The following ELOVL6 variants were observed in gnomAD, a reference collection of about 807,000 sequenced individuals.
The protein encoded by ELOVL6 is ELOVL fatty acid elongase 6.
Under a neutral mutation model 31.7 loss-of-function variants are expected in ELOVL6, and 8 were observed. The observed-to-expected ratio is 0.25, with a 90% CI of 0.15 to 0.45. ELOVL6 has a LOEUF of 0.45. ELOVL6 is among the 20% of genes least tolerant of loss of function. ELOVL6 has a pLI of 1.00. For missense variants in ELOVL6, 126 were observed against 326.4 expected (o/e 0.39, Z 4.73); for synonymous variants, 101 against 117.7 (o/e 0.86, Z 0.92).
chr4:110,127,486 T>C (rs899229573), intron 1 of ELOVL6, among the ~76,000 whole-genome samples: 1 of 150,938 alleles, frequency 6.6e-6, no homozygotes, highest in African/African-American at 2.4e-5. Flanking sequence ...TGGGAGAGCC[T>C]AAGAAAAACA....
intron 1 of ELOVL6, among the ~76,000 whole-genome samples, chr4:110,111,296 TAA>T (rs1757027379): frequency 6.6e-6 from 1 of 151,718 alleles, no homozygotes; most frequent in South Asian, 2.1e-4. Context: ...ACTGCACATC[TAA>T]AAAGACTCTT....
intron 2 of ELOVL6, among the ~76,000 whole-genome samples, chr4:110,094,248 CAA>C (rs34049395): frequency 6.1e-5 from 7 of 114,618 alleles, no homozygotes; most frequent in Non-Finnish European, 5.4e-5. Flanking sequence ...AACTCCATCT[CAA>C]AAAAAAAAAA....
intron 3 of ELOVL6, among the ~76,000 whole-genome samples, chr4:110,058,106 C>A (rs1755044670): frequency 6.6e-6 from 1 of 152,136 alleles, no homozygotes; most frequent in South Asian, 2.1e-4. Flanking sequence ...ACCAATACCT[C>A]CTGGGGCCTG....
At chr4:110,199,141 CAG>C (rs1055054245), upstream of ELOVL6, 7 of 148,572 alleles carry the variant, frequency 4.7e-5, no homozygotes, top group African/African-American at 1.5e-4. Context: ...CTCGTACAGA[CAG>C]GGGATGCTGA....
At chr4:110,151,655 G>A in intron 1 of ELOVL6, among the ~76,000 whole-genome samples, 1 of 152,172 alleles carries the variant, frequency 6.6e-6, no homozygotes, top group African/African-American at 2.4e-5. Context: ...TGACATGCCT[G>A]CCCATTAAGA....
intron 1 of ELOVL6, among the ~76,000 whole-genome samples, chr4:110,152,169 T>G (rs1352021951): frequency 6.6e-6 from 1 of 152,176 alleles, no homozygotes; most frequent in Admixed American, 6.5e-5. Context: ...AAACTTAATA[T>G]TGGTTGGGTT....
intron 3 of ELOVL6, among the ~76,000 whole-genome samples, chr4:110,054,636 C>G (rs531495373): frequency 5.9e-5 from 9 of 152,254 alleles, no homozygotes; most frequent in African/African-American, 2.2e-4. Flanking sequence ...TTTAGTTTAA[C>G]CCTATCATCA....
At position 110,079,835 on chromosome 4, in the gene ELOVL6, G is replaced by A. The variant is rs149693502; in HGVS notation, c.222-20081C>T. On this transcript the variant is annotated intron_variant, in intron 2 of 3. Transcript: ENST00000302274. ...TTTGAAAAGATCAACAAAATTGACC[G>A]ACCACTAGCAAGACTAATAAAGAAG... Among the ~76,000 whole-genome samples the A allele has an allele frequency of 3.3e-3, 501 of 152,068 alleles. 2 individuals are homozygous for A. Among genetic ancestry groups the A allele is most frequent in the African/African-American group, 0.011 (476 of 41,438 alleles).
intron 1 of ELOVL6, among the ~76,000 whole-genome samples, chr4:110,175,390 A>G (rs1185512895): frequency 1.3e-5 from 2 of 152,178 alleles, no homozygotes; most frequent in Admixed American, 1.3e-4. Context: ...TCAAAAAAAA[A>G]AGACATAAAT....
intron 1 of ELOVL6, among the ~76,000 whole-genome samples, chr4:110,122,938 A>G (rs1757394540): frequency 1.3e-5 from 2 of 152,218 alleles, no homozygotes; most frequent in South Asian, 4.2e-4. Flanking sequence ...CCCTTCCTTC[A>G]TCACCACTGT....
At chr4:110,059,825 G>T in intron 2 of ELOVL6, 71 bp from the exon 3 acceptor site, 3 of 1,425,340 alleles carry the variant, frequency 2.1e-6, no homozygotes, top group Non-Finnish European at 2.9e-6. Flanking sequence ...ACCATACTTA[G>T]AAGACTGGTT....
chr4:110,141,299 G>A (rs941312479), intron 1 of ELOVL6, among the ~76,000 whole-genome samples: 1 of 152,112 alleles, frequency 6.6e-6, no homozygotes, highest in Non-Finnish European at 1.5e-5. Flanking sequence ...CCAACCTCAG[G>A]TGATCCACCT....
intron 1 of ELOVL6, among the ~76,000 whole-genome samples, chr4:110,123,223 ACT>A (rs1757402232): frequency 6.6e-6 from 1 of 152,198 alleles, no homozygotes; most frequent in Non-Finnish European, 1.5e-5. Context: ...GATCTGTGAA[ACT>A]CTGCTTCAAA....
intron 2 of ELOVL6, among the ~76,000 whole-genome samples, chr4:110,072,857 T>C (rs1319664037): frequency 6.6e-6 from 1 of 152,184 alleles, no homozygotes; most frequent in Non-Finnish European, 1.5e-5. Context: ...CACCCTATTG[T>C]ACTTCAAAGC....
At chr4:110,182,417 A>G (rs781415642) in intron 1 of ELOVL6, among the ~76,000 whole-genome samples, 1 of 152,164 alleles carries the variant, frequency 6.6e-6, no homozygotes, top group Non-Finnish European at 1.5e-5. Context: ...GCTAATTTTA[A>G]TGTTTATTTT....
At chr4:110,065,124 A>G (rs1755263003) in intron 2 of ELOVL6, among the ~76,000 whole-genome samples, 1 of 152,218 alleles carries the variant, frequency 6.6e-6, no homozygotes, top group African/African-American at 2.4e-5. Context: ...AACAATAGAA[A>G]CAGTGGCACT....
rs1759083505 is a variant in ELOVL6, at chr4:110,175,720, C to CGG, written c.89+22526_89+22527insCC. ...GCAGTCTAGCCCTAGAGTTACATTA[C>CGG]ATCTATCATCCCTCTTTATGATGTT... On this transcript the variant is annotated intron_variant, in intron 1 of 3. Transcript: ENST00000302274. Among the ~76,000 whole-genome samples, 3 of 152,340 alleles carry CGG rather than the reference C, an allele frequency of 2.0e-5. No individual in the cohort carries two copies. In the East Asian group the frequency reaches 5.8e-4, roughly 29 times the overall value.
At chr4:110,136,132 G>A (rs1757803193) in intron 1 of ELOVL6, among the ~76,000 whole-genome samples, 1 of 152,102 alleles carries the variant, frequency 6.6e-6, no homozygotes, top group Admixed American at 6.6e-5. Flanking sequence ...GAAATTTCTT[G>A]TGTTATTTTG....
intron 1 of ELOVL6, among the ~76,000 whole-genome samples, chr4:110,135,191 T>A (rs1276274961): frequency 3.9e-5 from 6 of 152,192 alleles, no homozygotes; most frequent in Admixed American, 3.9e-4. Flanking sequence ...CTAATGAATG[T>A]GATTTAGTAA....
Sources: gnomAD v4.1 joint callset for allele counts (sites outside exome capture counted in the v4.1 genomes callset) on GRCh38, gnomAD v4.1.1 for gene constraint, MANE v1.5 for transcripts, NCBI Gene and HGNC (gene_info 2026-07-23, HGNC 2026-07-21) for gene names.